ERP44: variants seen among roughly 807,000 people sequenced by gnomAD.
ERP44 encodes the protein endoplasmic reticulum resident protein 44.
A neutral mutation model predicts 53.4 loss-of-function variants in ERP44; 25 were observed. The ratio of observed to expected loss-of-function variants is 0.47; its 90% confidence interval spans 0.34 to 0.65. The LOEUF is 0.65. Among genes scored for constraint, ERP44 ranks in the 30% least tolerant of loss-of-function variants. ERP44 has a pLI of 0.01. For missense variants in ERP44, 338 were observed against 493.2 expected, an observed-to-expected ratio of 0.69 and a Z score of 2.98; for synonymous variants, 145 against 161.2, an observed-to-expected ratio of 0.90 and a Z score of 0.76.
At chr9:100,018,569 GT>G (rs1830550841) in intron 6 of ERP44, among the ~76,000 whole-genome samples, 1 of 151,984 alleles carries the variant, frequency 6.6e-6, no homozygotes, top group African/African-American at 2.4e-5. Flanking sequence ...ACCCCAGACT[GT>G]TTTCCGGCAA....
At chr9:100,092,783 A>G (rs959443998) in intron 1 of ERP44, among the ~76,000 whole-genome samples, 2 of 152,218 alleles carry the variant, frequency 1.3e-5, no homozygotes, top group Non-Finnish European at 2.9e-5. Flanking sequence ...AATCAAAGAA[A>G]TGTAAATTTA....
At chr9:100,021,108 T>C (rs1830584219) in intron 5 of ERP44, among the ~76,000 whole-genome samples, 1 of 152,238 alleles carries the variant, frequency 6.6e-6, no homozygotes, top group Admixed American at 6.5e-5. Context: ...CTCACACTCC[T>C]ACCCATCTTA....
In ERP44 at chr9:99,980,082, C is replaced by T. The variant is rs1273659272; in HGVS notation, c.*2530G>A. 7 of 398,396 alleles carry T rather than the reference C, an allele frequency of 1.8e-5. No individual in the cohort carries two copies. Among genetic ancestry groups the T allele is most frequent in the East Asian group, 1.4e-4 (4 of 28,086 alleles). 24.7% of individuals were successfully genotyped at this position (398,396 alleles called of 1,614,324 possible). On this transcript the variant is annotated 3_prime_UTR_variant, in exon 12 of 12. Transcript: ENST00000262455. Reference sequence around the variant, plus strand: ...TTATTCCCTCTCAGCCAGATCCCTACCTCCTGAGAACACCTATTCATCTTT... The same window carrying T: ...TTATTCCCTCTCAGCCAGATCCCTATCTCCTGAGAACACCTATTCATCTTT...
At chr9:100,089,308 G>C (rs993751655) in intron 1 of ERP44, among the ~76,000 whole-genome samples, 3 of 152,138 alleles carry the variant, frequency 2.0e-5, no homozygotes, top group Non-Finnish European at 4.4e-5. Flanking sequence ...GGCCAGGCGT[G>C]GTGGCTCATG....
chr9:100,056,887 T>A (rs1212893384), intron 3 of ERP44, among the ~76,000 whole-genome samples: 1 of 152,176 alleles, frequency 6.6e-6, no homozygotes, highest in African/African-American at 2.4e-5. Flanking sequence ...TGGGTCAAAG[T>A]AAAGGATTTA....
chr9:100,008,675 C>G (rs953634598), intron 8 of ERP44, among the ~76,000 whole-genome samples: 1 of 152,168 alleles, frequency 6.6e-6, no homozygotes, highest in Non-Finnish European at 1.5e-5. Context: ...CATATTTAAG[C>G]CTATTTCACT....
chr9:100,083,602 T>A (rs1010003301), intron 1 of ERP44, among the ~76,000 whole-genome samples: 2 of 152,210 alleles, frequency 1.3e-5, no homozygotes, highest in African/African-American at 2.4e-5. Context: ...ATTTCACTAG[T>A]ACATGCCTTG....
At chr9:100,077,508 T>C (rs1826371319) in intron 1 of ERP44, among the ~76,000 whole-genome samples, 1 of 152,212 alleles carries the variant, frequency 6.6e-6, no homozygotes, top group African/African-American at 2.4e-5. Flanking sequence ...CCAGGATTCA[T>C]GGATCCAGTA....
At chr9:100,002,891 TAAG>T (rs1452545010) in intron 10 of ERP44, among the ~76,000 whole-genome samples, 1 of 152,168 alleles carries the variant, frequency 6.6e-6, no homozygotes. Flanking sequence ...TTATTTTAAA[TAAG>T]CTTTCTACCC....
intron 1 of ERP44, among the ~76,000 whole-genome samples, chr9:100,095,368 A>G (rs919318938): frequency 6.6e-6 from 1 of 152,204 alleles, no homozygotes; most frequent in African/African-American, 2.4e-5. Context: ...AGGGATTTAA[A>G]AAGTTTTATA....
At position 100,006,478 on chromosome 9, in the gene ERP44, A is replaced by G. The variant is rs923186532; in HGVS notation, c.1016+28T>C. On this transcript the variant is annotated intron_variant, in intron 10 of 11. Transcript: ENST00000262455. ...TTCATTTTTGAAAAACATATCAGTA[A>G]TTTTTAAAAAACAAAATGAATACTC... 3.2e-6 allele frequency: 5 copies of G among 1,541,286 alleles called. No homozygotes were observed. In the East Asian group the frequency reaches 6.8e-5, roughly 21 times the overall value.
At position 100,013,477 on chromosome 9, in the gene ERP44, A is replaced by T. The variant is rs1010017143; in HGVS notation, c.762+2845T>A. On this transcript the variant is annotated intron_variant, in intron 8 of 11. Coordinates refer to ENST00000262455, the MANE Select transcript of ERP44 (RefSeq NM_015051.3). ...AGACTGGAATAGAAGGAAACCCAGA[A>T]CATTAAGCATGGCATTTTAAGCTGC... is the stretch of plus-strand genomic sequence containing the variant. 2.0e-5 allele frequency among the ~76,000 whole-genome samples: 3 copies of T among 152,224 alleles called. No homozygotes were observed. In the East Asian group the frequency reaches 5.8e-4, roughly 29 times the overall value.
chr9:99,980,465 A>G lies in ERP44; in HGVS notation c.*2147T>C, dbSNP rs1830137308. On this transcript the variant is annotated 3_prime_UTR_variant, in exon 12 of 12. Transcript: ENST00000262455. ...CAGTCCCAAGTCTTCTCCAAGCAAA[A>G]CAGCCTTAACATCCATGTTTTAAAA... is the stretch of plus-strand genomic sequence containing the variant. 6.2e-6 allele frequency: 1 copy of G among 161,812 alleles called. No homozygotes were observed. Among genetic ancestry groups the G allele is most frequent in the Admixed American group, 6.4e-5 (1 of 15,566 alleles). The allele number at this position is 161,812 out of a possible 1,614,324, so 10.0% of individuals were successfully genotyped here.
chr9:100,075,516 C>T (rs950354616), intron 1 of ERP44, among the ~76,000 whole-genome samples: 3 of 152,176 alleles, frequency 2.0e-5, no homozygotes, highest in African/African-American at 7.2e-5. Context: ...TGGTCCATCA[C>T]ATTGATGACA....
At chr9:100,094,501 T>C (rs1214255710) in intron 1 of ERP44, among the ~76,000 whole-genome samples, 4 of 151,640 alleles carry the variant, frequency 2.6e-5, no homozygotes, top group Non-Finnish European at 5.9e-5. Flanking sequence ...CTACTAAAAA[T>C]ATAAAAATTA....
intron 1 of ERP44, among the ~76,000 whole-genome samples, chr9:100,098,463 G>A (rs1826683027): frequency 6.6e-6 from 1 of 152,194 alleles, no homozygotes; most frequent in Non-Finnish European, 1.5e-5. Flanking sequence ...GGTCTTTTCC[G>A]ATTCAAGCTA....
intron 3 of ERP44, among the ~76,000 whole-genome samples, chr9:100,054,337 A>C (rs1471947075): frequency 1.3e-5 from 2 of 152,200 alleles, no homozygotes; most frequent in Non-Finnish European, 2.9e-5. Context: ...CAAGGGAGGC[A>C]AGGAGTAGGG....
chr9:100,090,397 G>T (rs984778086), intron 1 of ERP44, among the ~76,000 whole-genome samples: 2 of 152,146 alleles, frequency 1.3e-5, no homozygotes, highest in African/African-American at 4.8e-5. Flanking sequence ...AGACTTCAAT[G>T]ATGTGTTGGT....
At chr9:100,078,761 A>C (rs1254865373) in intron 1 of ERP44, among the ~76,000 whole-genome samples, 2 of 152,102 alleles carry the variant, frequency 1.3e-5, no homozygotes, top group East Asian at 3.9e-4. Flanking sequence ...CTCAAAAAAC[A>C]AAAAAAGAAA....
Sources: gnomAD v4.1 joint callset for allele counts (sites outside exome capture counted in the v4.1 genomes callset) on GRCh38, gnomAD v4.1.1 for gene constraint, MANE v1.5 for transcripts, NCBI Gene and HGNC (gene_info 2026-07-23, HGNC 2026-07-21) for gene names.